Variants in PAFAH1B2 observed in about 807,000 individuals in gnomAD.
PAFAH1B2 encodes platelet-activating factor acetylhydrolase IB subunit alpha2.
Under a neutral mutation model 28.0 loss-of-function variants are expected in PAFAH1B2, and 8 were observed. The observed-to-expected ratio is 0.29, with a 90% CI of 0.17 to 0.52. The LOEUF is 0.52. Ranked by LOEUF, PAFAH1B2 falls within the 20% of genes least tolerant of loss-of-function variation. The pLI, the probability that PAFAH1B2 is intolerant of heterozygous loss-of-function variation, is 0.97. For synonymous variants in PAFAH1B2, 104 were observed against 103.2 expected, an observed-to-expected ratio of 1.01 and a Z score of -0.05; for missense variants, 190 against 282.6, an observed-to-expected ratio of 0.67 and a Z score of 2.35.
intron 1 of PAFAH1B2, among the ~76,000 whole-genome samples, chr11:117,149,835 G>T (rs965435002): frequency 1.8e-4 from 27 of 152,046 alleles, no homozygotes; most frequent in African/African-American, 5.1e-4. Flanking sequence ...AGGTAGTGGG[G>T]TGCATTTCAA....
At chr11:117,164,003 T>A in intron 5 of PAFAH1B2, 111 bp downstream of exon 5, 1 of 1,125,648 alleles carries the variant, frequency 8.9e-7, no homozygotes, top group African/African-American at 1.6e-5. Context: ...GGAAGCAGTT[T>A]ATCATACTTT....
downstream of PAFAH1B2, chr11:117,171,702 C>T (rs1220413957): frequency 1.3e-6 from 2 of 1,535,592 alleles, no homozygotes; most frequent in South Asian, 1.2e-5. Flanking sequence ...CGATCGGGAC[C>T]TATCCTGATG....
downstream of PAFAH1B2, among the ~76,000 whole-genome samples, chr11:117,177,196 G>A (rs942858113): frequency 6.6e-6 from 1 of 152,078 alleles, no homozygotes; most frequent in African/African-American, 2.4e-5. Context: ...GCAACAGAGC[G>A]AGACCCTGTC....
At chr11:117,162,323 C>G (rs1956392502) in intron 4 of PAFAH1B2, among the ~76,000 whole-genome samples, 1 of 152,070 alleles carries the variant, frequency 6.6e-6, no homozygotes. Flanking sequence ...TTTTTGTAGA[C>G]AGGGTCTTGG....
chr11:117,162,695 A>G (rs1956402561), intron 4 of PAFAH1B2, among the ~76,000 whole-genome samples: 1 of 152,002 alleles, frequency 6.6e-6, no homozygotes, highest in Non-Finnish European at 1.5e-5. Context: ...TGGAGGTTGC[A>G]GTGAGCCAGG....
chr11:117,150,361 G>GC (rs1202383802), intron 1 of PAFAH1B2, among the ~76,000 whole-genome samples: 2 of 151,902 alleles, frequency 1.3e-5, no homozygotes, highest in Non-Finnish European at 2.9e-5. Context: ...TGTTGGCCAG[G>GC]CTGGTCTTGA....
In PAFAH1B2 at chr11:117,169,657, C is replaced by G. The variant is rs1956604369; in HGVS notation, c.*1958C>G. The G allele has an allele frequency of 9.5e-7, 1 of 1,052,264 alleles. No individual in the cohort carries two copies. Among genetic ancestry groups the G allele is most frequent in the South Asian group, 4.6e-5 (1 of 21,836 alleles). The allele number at this position is 1,052,264 out of a possible 1,614,324, so 65.2% of individuals were successfully genotyped here. Reference sequence around the variant, plus strand: ...ATGTCTTCATTAACAACAGAAAATCCACATGGTGTTTACTAAACTTGTTTA... The same window carrying G: ...ATGTCTTCATTAACAACAGAAAATCGACATGGTGTTTACTAAACTTGTTTA... On this transcript the variant is annotated 3_prime_UTR_variant, in exon 6 of 6. Transcript: ENST00000527958.
At chr11:117,172,369 TATATATATATATATATATATATATATA>T (rs1565278585), downstream of PAFAH1B2, among the ~76,000 whole-genome samples, 14 of 1,634 alleles carry the variant, frequency 8.6e-3, no homozygotes, top group African/African-American at 0.017. Context: ...TATATATATA[TATATATATATATATATATATATATATA>T]TATATATATT....
At chr11:117,149,260 T>A (rs1956086784) in intron 1 of PAFAH1B2, among the ~76,000 whole-genome samples, 2 of 151,726 alleles carry the variant, frequency 1.3e-5, no homozygotes, top group South Asian at 4.2e-4. Context: ...TCTTCAATTT[T>A]TTTGTAGAGA....
chr11:117,157,510 A>AG (rs879801131), intron 2 of PAFAH1B2, among the ~76,000 whole-genome samples: 103 of 152,288 alleles, frequency 6.8e-4, no homozygotes, highest in Admixed American at 4.5e-3. Flanking sequence ...TCACCTGTGG[A>AG]TGAATATCTG....
intron 1 of PAFAH1B2, among the ~76,000 whole-genome samples, chr11:117,145,435 A>G (rs1446626647): frequency 1.7e-5 from 1 of 57,918 alleles, no homozygotes; most frequent in African/African-American, 8.1e-5. Flanking sequence ...AAATTATGGG[A>G]AGGGGTTGGG....
downstream of PAFAH1B2, among the ~76,000 whole-genome samples, chr11:117,174,164 T>TGTGTGTGTGTGTGTGTGTGTGTG (rs1555034628): frequency 9.4e-5 from 13 of 138,808 alleles, no homozygotes; most frequent in Non-Finnish European, 1.6e-4. Flanking sequence ...TTCATGTCTT[T>TGTGTGTGTGTGTGTGTGTGTGTG]TGTGTGTGTG....
At chr11:117,160,779 C>CTTTT (rs113638567) in intron 3 of PAFAH1B2, among the ~76,000 whole-genome samples, 1 of 143,022 alleles carries the variant, frequency 7.0e-6, no homozygotes, top group Non-Finnish European at 1.5e-5. Context: ...TAAAAGATAG[C>CTTTT]TTTTTTTTTT....
In PAFAH1B2 at chr11:117,168,367, A is replaced by G. The variant is rs1956559208; in HGVS notation, c.*668A>G. On this transcript the variant is annotated 3_prime_UTR_variant, in exon 6 of 6. Coordinates refer to ENST00000527958, the MANE Select transcript of PAFAH1B2 (RefSeq NM_002572.4). ...TTTTATGCTGCTGAATATCATGTCT[A>G]TAATAGACCCGTGCATGCAGCCTTT... 5.7e-6 allele frequency: 6 copies of G among 1,053,076 alleles called. No individual in the cohort carries two copies. Among genetic ancestry groups the G allele is most frequent in the African/African-American group, 3.4e-5 (2 of 59,220 alleles). The allele number at this position is 1,053,076 out of a possible 1,614,324, so 65.2% of individuals were successfully genotyped here.
At position 117,169,604 on chromosome 11, in the gene PAFAH1B2, A is replaced by T; in HGVS notation, c.*1905A>T. On this transcript the variant is annotated 3_prime_UTR_variant, in exon 6 of 6. Transcript: ENST00000527958. ...AAAATTTTTTGGTTTTGTTCTTTTTAAAAAATACATACTTTTTTGAATGTA... is the reference window on the plus strand; with the variant it reads ...AAAATTTTTTGGTTTTGTTCTTTTTTAAAAATACATACTTTTTTGAATGTA... The T allele has an allele frequency of 9.5e-7, 1 of 1,051,868 alleles. No individual in the cohort carries two copies. Among genetic ancestry groups the T allele is most frequent in the East Asian group, 5.3e-5 (1 of 18,710 alleles). 65.2% of individuals were successfully genotyped at this position (1,051,868 alleles called of 1,614,324 possible).
rs1359076423 is a variant in PAFAH1B2 at position 117,168,445 on chromosome 11, C to CGTTTGTTT, written c.*750_*751insGTTTGTTT. ...TTCCCCTTCATTCCCCCCGCCACCCCGTTTTTTTTTTTTTTTTTTTTTTTT... is the reference window on the plus strand; with the variant it reads ...TTCCCCTTCATTCCCCCCGCCACCCCGTTTGTTTGTTTTTTTTTTTTTTTTTTTTTTTT... On this transcript the variant is annotated 3_prime_UTR_variant, in exon 6 of 6. Transcript: ENST00000527958. 9 of 354,318 alleles carry CGTTTGTTT rather than the reference C, an allele frequency of 2.5e-5. 1 individual carries two copies. Among genetic ancestry groups the CGTTTGTTT allele is most frequent in the African/African-American group, 5.3e-5 (1 of 19,024 alleles). 21.9% of individuals were successfully genotyped at this position (354,318 alleles called of 1,614,324 possible).
At chr11:117,145,439 G>T (rs1955979013) in intron 1 of PAFAH1B2, among the ~76,000 whole-genome samples, 1 of 40,268 alleles carries the variant, frequency 2.5e-5, no homozygotes, top group African/African-American at 1.2e-4. Context: ...TATGGGAAGG[G>T]GTTGGGCCGG....
chr11:117,147,075 C>G (rs1956029549), intron 1 of PAFAH1B2, among the ~76,000 whole-genome samples: 1 of 151,920 alleles, frequency 6.6e-6, no homozygotes, highest in Non-Finnish European at 1.5e-5. Flanking sequence ...TCGAGACCAC[C>G]CTGACCAATA....
rs185070451 is a variant in PAFAH1B2, at chr11:117,159,678, T to G, written c.82-256T>G. On this transcript the variant is annotated intron_variant, in intron 2 of 5. Coordinates refer to ENST00000527958, the MANE Select transcript of PAFAH1B2 (RefSeq NM_002572.4). ...TGAGCCCCTGAAGCAGAAGTTGCAG[T>G]GAGCCAAGATCACGCCACTGTACTC... 1.3e-3 allele frequency: 445 copies of G among 355,886 alleles called. 5 individuals carry two copies. In the East Asian group the frequency reaches 0.018, roughly 14 times the overall value. The allele number at this position is 355,886 out of a possible 1,614,324, so 22.0% of individuals were successfully genotyped here.
Sources: allele counts gnomAD v4.1 joint callset (sites outside exome capture counted in the v4.1 genomes callset), GRCh38; gene constraint gnomAD v4.1.1; transcripts MANE v1.5; gene names NCBI Gene and HGNC (gene_info 2026-07-23, HGNC 2026-07-21).